CTNNA3: variants seen among roughly 807,000 people sequenced by gnomAD.
CTNNA3 encodes catenin alpha 3, also known as catenin alpha-3.
CTNNA3 carries 76 observed loss-of-function variants against 95.7 expected under a neutral mutation model. The ratio of observed to expected loss-of-function variants is 0.79; its 90% CI spans 0.66 to 0.96. The LOEUF (loss-of-function observed/expected upper bound fraction) is 0.96. Ranked by LOEUF, CTNNA3 falls within the 40% of genes least tolerant of loss-of-function variation. The probability of loss-of-function intolerance (pLI) is 0.00; values close to 1 mark genes in which losing one functional copy is unlikely to be tolerated. For missense variants in CTNNA3, 1,191 were observed against 1,089.8 expected, an observed-to-expected ratio of 1.09 and a Z score of -1.31; for synonymous variants, 431 against 374.4, an observed-to-expected ratio of 1.15 and a Z score of -1.74.
chr10:66,157,076 C>T (rs1012937278), intron 13 of CTNNA3, among the ~76,000 whole-genome samples: 3 of 151,780 alleles, frequency 2.0e-5, no homozygotes, highest in African/African-American at 4.8e-5. Flanking sequence ...TATTGGGGTA[C>T]AAGTGGTATT....
At chr10:66,870,119 T>C (rs749085317) in intron 7 of CTNNA3, among the ~76,000 whole-genome samples, 2 of 152,168 alleles carry the variant, frequency 1.3e-5, no homozygotes, top group Non-Finnish European at 2.9e-5. Context: ...GCCAAGCACC[T>C]AGGCCATGTT....
At chr10:66,223,568 G>A (rs2089086739) in intron 13 of CTNNA3, among the ~76,000 whole-genome samples, 1 of 152,080 alleles carries the variant, frequency 6.6e-6, no homozygotes. Flanking sequence ...ATTTTTCAGA[G>A]GTATTTGTTT....
At chr10:66,814,044 T>C (rs1841983653) in intron 7 of CTNNA3, among the ~76,000 whole-genome samples, 1 of 151,736 alleles carries the variant, frequency 6.6e-6, no homozygotes, top group South Asian at 2.1e-4. Context: ...TGAAGACAAA[T>C]TAGATGGGGA....
At chr10:66,372,281 G>T (rs974404426) in intron 12 of CTNNA3, among the ~76,000 whole-genome samples, 31 of 152,140 alleles carry the variant, frequency 2.0e-4, no homozygotes, top group Admixed American at 1.8e-3. Context: ...GATCCATAGA[G>T]TAAATCTGAA....
intron 7 of CTNNA3, among the ~76,000 whole-genome samples, chr10:66,910,710 C>T (rs769653804): frequency 2.0e-5 from 3 of 152,146 alleles, no homozygotes; most frequent in South Asian, 2.1e-4. Flanking sequence ...AGACAGGTGA[C>T]GTGGAGAAAA....
At chr10:66,661,400 G>A (rs560596119) in intron 9 of CTNNA3, among the ~76,000 whole-genome samples, 6 of 152,120 alleles carry the variant, frequency 3.9e-5, no homozygotes, top group East Asian at 1.9e-4. Flanking sequence ...GGGAAAGACC[G>A]CCCCCTATGA....
intron 13 of CTNNA3, among the ~76,000 whole-genome samples, chr10:66,231,506 A>G (rs1445705140): frequency 6.6e-6 from 1 of 152,134 alleles, no homozygotes; most frequent in African/African-American, 2.4e-5. Flanking sequence ...TGGAGGTTTA[A>G]GATTGTAACC....
rs1844238148 is a variant in CTNNA3 at position 66,609,133 on chromosome 10, C to T, written c.1374+12559G>A. Among the ~76,000 whole-genome samples, 4 of 151,692 alleles carry T rather than the reference C, an allele frequency of 2.6e-5. No homozygotes were observed. In the South Asian group the frequency reaches 8.4e-4, roughly 32 times the overall value. On this transcript the variant is annotated intron_variant, in intron 10 of 17. Transcript: ENST00000433211. Reference sequence around the variant, plus strand: ...GGACTGCAGTGGTGTGATCTCAGCTCACTGTAACCTCCACCTCTCAGGTTC... The same window carrying T: ...GGACTGCAGTGGTGTGATCTCAGCTTACTGTAACCTCCACCTCTCAGGTTC...
intron 13 of CTNNA3, among the ~76,000 whole-genome samples, chr10:66,213,428 A>G (rs2088300619): frequency 6.6e-6 from 1 of 152,210 alleles, no homozygotes; most frequent in African/African-American, 2.4e-5. Flanking sequence ...TAGATGAATT[A>G]CTGACTACGC....
At chr10:66,116,243 C>G (rs1185458943) in intron 13 of CTNNA3, among the ~76,000 whole-genome samples, 2 of 152,100 alleles carry the variant, frequency 1.3e-5, no homozygotes, top group African/African-American at 2.4e-5. Context: ...CAGACTTGTC[C>G]TGACCAAAGG....
At chr10:67,698,319 T>C (rs1157693132), upstream of CTNNA3, among the ~76,000 whole-genome samples, 2 of 151,166 alleles carry the variant, frequency 1.3e-5, no homozygotes, top group Admixed American at 1.3e-4. Flanking sequence ...CAAAAGTAAG[T>C]TTTTTCGTTC....
intron 8 of CTNNA3, among the ~76,000 whole-genome samples, chr10:66,773,967 A>G (rs535789890): frequency 2.7e-4 from 41 of 152,334 alleles, no homozygotes; most frequent in African/African-American, 7.2e-4. Flanking sequence ...ACATAATTAT[A>G]CTAAACCATG....
At chr10:67,694,515 T>C (rs947340231) in intron 1 of CTNNA3, among the ~76,000 whole-genome samples, 1 of 152,128 alleles carries the variant, frequency 6.6e-6, no homozygotes, top group Admixed American at 6.6e-5. Flanking sequence ...TAAACATATC[T>C]ACAACATACA....
intron 7 of CTNNA3, among the ~76,000 whole-genome samples, chr10:67,064,082 CT>C (rs1328465601): frequency 6.6e-6 from 1 of 152,148 alleles, no homozygotes; most frequent in Admixed American, 6.5e-5. Context: ...TAATAGTGCA[CT>C]TATTTCTAGT....
At chr10:67,053,741 A>G (rs1194378545) in intron 7 of CTNNA3, among the ~76,000 whole-genome samples, 1 of 152,204 alleles carries the variant, frequency 6.6e-6, no homozygotes, top group East Asian at 1.9e-4. Flanking sequence ...AATGGAGAAA[A>G]GGAGTATGAA....
chr10:66,216,357 C>T (rs903973349), intron 13 of CTNNA3, among the ~76,000 whole-genome samples: 3 of 152,148 alleles, frequency 2.0e-5, no homozygotes, highest in Non-Finnish European at 2.9e-5. Context: ...GTGTGGGGAT[C>T]CACCATCATG....
chr10:66,193,267 A>T (rs2086778249), intron 13 of CTNNA3, among the ~76,000 whole-genome samples: 1 of 152,184 alleles, frequency 6.6e-6, no homozygotes, highest in African/African-American at 2.4e-5. Context: ...GGTCAGAGAA[A>T]GATCCTGGCC....
At chr10:66,706,882 A>G (rs1477634496) in intron 9 of CTNNA3, among the ~76,000 whole-genome samples, 1 of 152,078 alleles carries the variant, frequency 6.6e-6, no homozygotes, top group Non-Finnish European at 1.5e-5. Flanking sequence ...TCGGTAGAAT[A>G]AAGTGTGAAA....
Position 66,103,162 on chromosome 10 carries a change from C to G in CTNNA3, c.1972G>C (p.Asp658His). The change falls in exon 14 of 18, where the codon GAT becomes CAT. Residue 658 changes from aspartate to histidine, a missense_variant. Physicochemically the swap from Asp to His is moderately conservative, Grantham distance 81. Coordinates refer to ENST00000433211, the MANE Select transcript of CTNNA3 (RefSeq NM_013266.4). ...HTSIQTEGKTDRAKMTQLPEA... is the reference protein window; with the variant it reads ...HTSIQTEGKTHRAKMTQLPEA... ...CACCAGTTGAAGTGACATACCCTAT[C>G]AGTTTTCCCTTCGGTCTGAATGCTG... 6.2e-7 allele frequency: 1 copy of G among 1,612,980 alleles called. No individual in the cohort carries two copies. Among genetic ancestry groups the G allele is most frequent in the South Asian group, 1.1e-5 (1 of 91,050 alleles).
Sources: allele counts gnomAD v4.1 joint callset (sites outside exome capture counted in the v4.1 genomes callset), GRCh38; gene constraint gnomAD v4.1.1; transcripts MANE v1.5; gene names NCBI Gene and HGNC (gene_info 2026-07-23, HGNC 2026-07-21).